Variants in ZBTB7C observed in about 807,000 individuals in gnomAD.
The protein encoded by ZBTB7C is zinc finger and BTB domain-containing protein 7C.
ZBTB7C carries 8 observed loss-of-function variants against 25.7 expected under a neutral mutation model. That is an observed-to-expected ratio of 0.31 (90% CI 0.18 to 0.56). ZBTB7C has a LOEUF of 0.56. Among genes scored for constraint, ZBTB7C ranks in the 20% least tolerant of loss-of-function variants. The pLI, the probability that ZBTB7C is intolerant of heterozygous loss-of-function variation, is 0.91. For missense variants in ZBTB7C, 824 were observed against 855.2 expected, an observed-to-expected ratio of 0.96 and a Z score of 0.46; for synonymous variants, 394 against 369.0, an observed-to-expected ratio of 1.07 and a Z score of -0.78.
At chr18:48,198,174 T>G (rs1458257836) in intron 2 of ZBTB7C, among the ~76,000 whole-genome samples, 5 of 152,198 alleles carry the variant, frequency 3.3e-5, no homozygotes, top group Admixed American at 2.0e-4. Context: ...TCTGTTAAAA[T>G]CCCTTCCTAG....
chr18:48,210,977 A>G (rs1045057081), intron 2 of ZBTB7C, among the ~76,000 whole-genome samples: 2 of 152,180 alleles, frequency 1.3e-5, no homozygotes, highest in Admixed American at 1.3e-4. Flanking sequence ...ACAGCATGGT[A>G]TTGGTGAAAT....
rs559188144 is a variant in ZBTB7C at position 48,362,153 on chromosome 18, G to A, written c.-303-23755C>T. On this transcript the variant is annotated intron_variant, in intron 1 of 4. Coordinates refer to ENST00000590800, the MANE Select transcript of ZBTB7C (RefSeq NM_001318841.2). ...GTCAACTGGAGGACAAGACCTCACT[G>A]ACAGAGCAGAGCCCCTGGGACAGAG... Among the ~76,000 whole-genome samples the A allele has an allele frequency of 6.6e-4, 100 of 152,346 alleles. 1 individual carries two copies. Among genetic ancestry groups the A allele is most frequent in the South Asian group, 1.4e-3 (7 of 4,830 alleles).
At chr18:48,062,514 C>T (rs1232917449) in intron 3 of ZBTB7C, among the ~76,000 whole-genome samples, 2 of 152,192 alleles carry the variant, frequency 1.3e-5, no homozygotes, top group African/African-American at 2.4e-5. Context: ...TACTGTGTGC[C>T]AGGTATTGAG....
At chr18:48,252,492 A>T (rs2043892233) in intron 2 of ZBTB7C, 1 of 152,240 alleles carries the variant, frequency 6.6e-6, no homozygotes, top group Non-Finnish European at 1.5e-5. Context: ...ATAATAAAAA[A>T]ATCCCTCATG....
chr18:48,160,040 G>A (rs1055330939), intron 3 of ZBTB7C, among the ~76,000 whole-genome samples: 3 of 152,178 alleles, frequency 2.0e-5, no homozygotes, highest in Admixed American at 1.3e-4. Flanking sequence ...AGCATTAATC[G>A]CTCTGATCTG....
intron 1 of ZBTB7C, among the ~76,000 whole-genome samples, chr18:48,354,740 G>A (rs981455734): frequency 6.6e-6 from 1 of 152,158 alleles, no homozygotes; most frequent in Non-Finnish European, 1.5e-5. Context: ...AGGCAGGGAG[G>A]AAAGGGCTGG....
At chr18:48,278,881 G>A (rs773909370) in intron 2 of ZBTB7C, among the ~76,000 whole-genome samples, 29 of 152,062 alleles carry the variant, frequency 1.9e-4, no homozygotes, top group Non-Finnish European at 3.1e-4. Flanking sequence ...TCCCCTCAGG[G>A]ACTGCAATGG....
At chr18:48,115,312 G>A (rs1038036743) in intron 3 of ZBTB7C, among the ~76,000 whole-genome samples, 8 of 151,836 alleles carry the variant, frequency 5.3e-5, no homozygotes, top group East Asian at 1.9e-4. Context: ...GCAGTGGCAC[G>A]ATCTTGGCTC....
chr18:48,070,811 A>G (rs1360032852), intron 3 of ZBTB7C, among the ~76,000 whole-genome samples: 2 of 152,000 alleles, frequency 1.3e-5, no homozygotes, highest in East Asian at 1.9e-4. Flanking sequence ...TGCCCTTCCC[A>G]TGTTTCTGCT....
chr18:48,250,579 A>G (rs1336649749), intron 2 of ZBTB7C, among the ~76,000 whole-genome samples: 1 of 152,138 alleles, frequency 6.6e-6, no homozygotes, highest in East Asian at 1.9e-4. Context: ...TAATAAAAAA[A>G]CCCAGTCCCA....
intron 3 of ZBTB7C, among the ~76,000 whole-genome samples, chr18:48,135,691 G>C (rs939636878): frequency 2.6e-5 from 4 of 152,164 alleles, no homozygotes; most frequent in Admixed American, 2.6e-4. Context: ...GGGGAACGGA[G>C]GGAGTGGAGC....
At chr18:48,400,477 C>T (rs769529095) in intron 1 of ZBTB7C, among the ~76,000 whole-genome samples, 18 of 152,224 alleles carry the variant, frequency 1.2e-4, no homozygotes, top group Non-Finnish European at 2.5e-4. Context: ...GACAAAAGTC[C>T]TGTCTCAGGC....
At chr18:48,339,037 C>T (rs919074512) in intron 1 of ZBTB7C, among the ~76,000 whole-genome samples, 3 of 152,152 alleles carry the variant, frequency 2.0e-5, no homozygotes, top group African/African-American at 4.8e-5. Context: ...GGAACAGAGA[C>T]ACCGGCTCCA....
intron 3 of ZBTB7C, among the ~76,000 whole-genome samples, chr18:48,167,316 T>G (rs2041285121): frequency 6.6e-6 from 1 of 152,182 alleles, no homozygotes; most frequent in Non-Finnish European, 1.5e-5. Context: ...GCGCCAGAAC[T>G]CAGCCATTCT....
At chr18:48,257,260 T>C (rs1021221051) in intron 2 of ZBTB7C, among the ~76,000 whole-genome samples, 4 of 152,108 alleles carry the variant, frequency 2.6e-5, no homozygotes, top group Non-Finnish European at 5.9e-5. Flanking sequence ...GAAAATTCCA[T>C]AATGATAAAA....
intron 3 of ZBTB7C, among the ~76,000 whole-genome samples, chr18:48,168,718 G>A (rs1297810577): frequency 1.3e-5 from 2 of 152,294 alleles, no homozygotes; most frequent in East Asian, 3.9e-4. Flanking sequence ...GGAAGACTCA[G>A]CAAATCATTT....
chr18:48,170,875 G>A lies in ZBTB7C; in HGVS notation c.-17+15059C>T, dbSNP rs935901702. On this transcript the variant is annotated intron_variant, in intron 3 of 4. Coordinates refer to ENST00000590800, the MANE Select transcript of ZBTB7C (RefSeq NM_001318841.2). ...GACTGCAGAGGCCTCTGTGGTTGCT[G>A]TCCAGGCCTTTCATGGGAGTGTGGT... Among the ~76,000 whole-genome samples, 3 of 152,152 alleles carry A rather than the reference G, an allele frequency of 2.0e-5. No homozygotes were observed. The South Asian group carries it at 6.2e-4, about 32-fold the overall frequency.
Position 48,033,028 on chromosome 18 carries a change from C to T in ZBTB7C, c.1209-3117G>A, listed in dbSNP as rs1233432396. On this transcript the variant is annotated intron_variant, in intron 4 of 4. Coordinates refer to ENST00000590800, the MANE Select transcript of ZBTB7C (RefSeq NM_001318841.2). ...GGCATATGGTATAGAGGTAGGGCCC[C>T]TCCAGGAGTCTGGGAGTCCCTGTTG... 3.3e-5 allele frequency among the ~76,000 whole-genome samples: 5 copies of T among 152,158 alleles called. No homozygotes were observed. The East Asian group carries it at 9.6e-4, about 29-fold the overall frequency.
chr18:48,184,426 G>C (rs149057097), intron 3 of ZBTB7C, among the ~76,000 whole-genome samples: 219 of 152,264 alleles, frequency 1.4e-3, no homozygotes, highest in African/African-American at 5.0e-3. Flanking sequence ...AGCAAATATT[G>C]AATGATTCTG....
Sources: gnomAD v4.1 joint callset for allele counts (sites outside exome capture counted in the v4.1 genomes callset) on GRCh38, gnomAD v4.1.1 for gene constraint, MANE v1.5 for transcripts, NCBI Gene and HGNC (gene_info 2026-07-23, HGNC 2026-07-21) for gene names.